Variants in KIF26A observed in about 807,000 individuals in gnomAD.
KIF26A encodes kinesin family member 26A, also known as kinesin-like protein KIF26A.
Under a neutral mutation model 126.0 loss-of-function variants are expected in KIF26A, and 74 were observed. The ratio of observed to expected loss-of-function variants is 0.59; its 90% confidence interval spans 0.49 to 0.71. KIF26A has a LOEUF of 0.71. Ranked by LOEUF, KIF26A falls within the 30% of genes least tolerant of loss-of-function variation. The pLI, the probability that KIF26A is intolerant of heterozygous loss-of-function variation, is 0.00. For synonymous variants in KIF26A, 1,445 were observed against 1,232.7 expected (o/e 1.17, Z -3.61); for missense variants, 2,984 against 2,763.3 (o/e 1.08, Z -1.79).
Position 104,173,875 on chromosome 14 carries a change from G to GT in KIF26A, c.2030+8dup. 1 of 1,577,342 alleles carries GT rather than the reference G, an allele frequency of 6.3e-7. No homozygotes were observed. The highest frequency in any genetic ancestry group is 8.6e-7 in the Non-Finnish European group (1 of 1,165,660). On this transcript the variant is annotated splice_region_variant and intron_variant, in intron 10 of 14. Coordinates refer to ENST00000423312, the MANE Select transcript of KIF26A (RefSeq NM_015656.2). ...CCAAGCATGTGCCGTATCGGTGAGT[G>GT]TAGGGCCTGGGCAGGTGCCGACCAG...
In KIF26A at chr14:104,166,912, C is replaced by T. The variant is rs761400789; in HGVS notation, c.977C>T (p.Pro326Leu). The T allele has an allele frequency of 9.4e-6, 15 of 1,592,712 alleles. No individual in the cohort carries two copies. Among genetic ancestry groups the T allele is most frequent in the East Asian group, 6.9e-5 (3 of 43,702 alleles). The change falls in exon 5 of 15, where the codon CCG (proline) becomes CTG (leucine). Residue 326 changes from proline (P) to leucine (L), a missense_variant. Transcript: ENST00000423312. Reference protein sequence around the residue: ...ASKRKKPHPPPPPATRGTSTY... With the variant: ...ASKRKKPHPPLPPATRGTSTY... ...AAGAGGAAGAAGCCCCACCCGCCAC[C>T]GCCTCCAGCCACCCGCGGCACCTCC...
chr14:104,178,507 G>A, intron 12 of KIF26A, 43 bp from the exon 13 acceptor site: 1 of 1,385,864 alleles, frequency 7.2e-7, no homozygotes, highest in African/African-American at 1.5e-5. Context: ...TGCTTGGGCT[G>A]GGCCCCGCCT....
At chr14:104,169,869 C>G (rs2037940877) in intron 5 of KIF26A, among the ~76,000 whole-genome samples, 1 of 152,194 alleles carries the variant, frequency 6.6e-6, no homozygotes, top group Non-Finnish European at 1.5e-5. Flanking sequence ...GAGAGGCTTG[C>G]TGTGCCTTTT....
intron 2 of KIF26A, among the ~76,000 whole-genome samples, chr14:104,143,497 G>A (rs1025313111): frequency 4.6e-5 from 7 of 152,160 alleles, no homozygotes; most frequent in Non-Finnish European, 1.0e-4. Context: ...CCAGCTTTTC[G>A]TTCCTCCTCT....
chr14:104,140,459 C>A (rs8014002), intron 2 of KIF26A, among the ~76,000 whole-genome samples: 15,855 of 152,238 alleles, frequency 0.1, 1,013 homozygotes, highest in Middle Eastern at 0.17. Context: ...AGCTAAAGGC[C>A]CATCTTGCTG....
chr14:104,138,588 C>G lies in KIF26A; in HGVS notation c.-135C>G, dbSNP rs1482384756. 4.7e-6 allele frequency: 3 copies of G among 637,266 alleles called. No individual in the cohort carries two copies. Among genetic ancestry groups the G allele is most frequent in the Non-Finnish European group, 6.4e-6 (3 of 467,516 alleles). 39.5% of individuals were successfully genotyped at this position (637,266 alleles called of 1,614,324 possible). On this transcript the variant is annotated 5_prime_UTR_variant, in exon 1 of 15. Transcript: ENST00000423312. ...CGGAGCCACCGCGCTCCTCGCGACA[C>G]TCGCAGGCTCTGCGAACTTCCGAGC... is the stretch of plus-strand genomic sequence containing the variant.
chr14:104,162,751 T>A (rs1830212936), intron 4 of KIF26A, among the ~76,000 whole-genome samples: 1 of 144,074 alleles, frequency 6.9e-6, no homozygotes, highest in African/African-American at 2.6e-5. Context: ...GCCAACACCC[T>A]CCAGTGAGGG....
chr14:104,177,764 G>A lies in KIF26A; in HGVS notation c.4976G>A (p.Gly1659Asp). Residue 1659 changes from glycine to aspartate, a missense_variant, in exon 12 of 15, where the codon GGC becomes GAC. Transcript: ENST00000423312. The stretch of plus-strand genomic sequence containing the variant: ...TTCCACCACAGCGGTGGCAGCAGTG[G>A]CTATGAGAGCCTGCGGCGCGACAGC... ...ALFHHSGGSS[G>D]YESLRRDSEA... 6.5e-7 allele frequency: 1 copy of A among 1,547,316 alleles called. No individual in the cohort carries two copies. The highest frequency in any genetic ancestry group is 8.7e-7 in the Non-Finnish European group (1 of 1,153,700).
rs538308421 is a variant in KIF26A at position 104,151,158 on chromosome 14, C to G, written c.289-857C>G. 6.6e-6 allele frequency among the ~76,000 whole-genome samples: 1 copy of G among 152,332 alleles called. No homozygotes were observed. The highest frequency in any genetic ancestry group is 1.5e-5 in the Non-Finnish European group (1 of 68,020). ...GTGGCTTGTCTCCTTCTTGCTCCTC[C>G]TCCTCTTCCTGGAAGATGTCACTGC... On this transcript the variant is annotated intron_variant, in intron 2 of 14. Coordinates refer to ENST00000423312, the MANE Select transcript of KIF26A (RefSeq NM_015656.2). This position sits in a 1 kb window ranked among gnomAD's most constrained non-coding sequence, Gnocchi z 4.9.
chr14:104,176,496 A>T lies in KIF26A; in HGVS notation c.3708A>T (p.Gly1236=). Residue 1236 remains glycine (G), a synonymous_variant, in exon 12 of 15, where the codon GGA becomes GGT. Coordinates refer to ENST00000423312, the MANE Select transcript of KIF26A (RefSeq NM_015656.2). ...ARLGQSPPGR[G]GLFEDPWLLR... ...TGGGCCAGAGCCCACCTGGCCGTGG[A>T]GGCCTGTTTGAGGACCCATGGCTGC... 3 of 1,605,800 alleles carry T rather than the reference A, an allele frequency of 1.9e-6. No homozygotes were observed. Among genetic ancestry groups the T allele is most frequent in the Non-Finnish European group, 2.5e-6 (3 of 1,179,610 alleles).
Position 104,172,912 on chromosome 14 carries a change from C to T in KIF26A, c.1421-65C>T, listed in dbSNP as rs558868453. 2.3e-4 allele frequency: 345 copies of T among 1,476,324 alleles called. 1 individual carries two copies. In the African/African-American group the frequency reaches 4.1e-3, roughly 17 times the overall value. The allele number at this position is 1,476,324 out of a possible 1,614,324, so 91.5% of individuals were successfully genotyped here. ...GGTGCCCCTGGTTGGCCCCCGGGGA[C>T]GCCAGTAGCCATAAAGGCTCCTTGC... On this transcript the variant is annotated intron_variant, in intron 7 of 14. Coordinates refer to ENST00000423312, the MANE Select transcript of KIF26A (RefSeq NM_015656.2).
intron 4 of KIF26A, among the ~76,000 whole-genome samples, chr14:104,165,713 ATG>A (rs749588285): frequency 2.8e-5 from 4 of 141,448 alleles, no homozygotes; most frequent in East Asian, 4.2e-4. Context: ...CTCTGTGCAT[ATG>A]TGTGTCTGTG....
intron 3 of KIF26A, among the ~76,000 whole-genome samples, chr14:104,153,310 G>C (rs930871161): frequency 6.6e-6 from 1 of 152,100 alleles, no homozygotes; most frequent in Non-Finnish European, 1.5e-5. Flanking sequence ...GTCGAGGTAC[G>C]CCGAGGCTCA....
rs1223408309 is a variant in KIF26A at position 104,173,007 on chromosome 14, G to A, written c.1451G>A (p.Ser484Asn). ...TCGTACACCATGATCGGGAAGGACA[G>A]CTCACCCCAGAGCCTGGGCATCGTG... is the stretch of plus-strand genomic sequence containing the variant. Reference protein sequence around the residue: ...GKSYTMIGKDSSPQSLGIVPC... With the variant: ...GKSYTMIGKDNSPQSLGIVPC... The change falls in exon 8 of 15, where the codon AGC becomes AAC. Residue 484 changes from serine to asparagine, a missense_variant. By Grantham distance (46) the Ser-to-Asn change is conservative (BLOSUM62 1). Coordinates refer to ENST00000423312, the MANE Select transcript of KIF26A (RefSeq NM_015656.2). The A allele has an allele frequency of 1.2e-6, 2 of 1,603,314 alleles. No individual in the cohort carries two copies. Among genetic ancestry groups the A allele is most frequent in the Middle Eastern group, 2.1e-4 (1 of 4,844 alleles).
intron 5 of KIF26A, among the ~76,000 whole-genome samples, chr14:104,167,453 C>A (rs188052507): frequency 6.6e-6 from 1 of 152,062 alleles, no homozygotes; most frequent in Non-Finnish European, 1.5e-5. Context: ...CGTGTGCAGG[C>A]GGGCCCCTGC....
intron 5 of KIF26A, among the ~76,000 whole-genome samples, chr14:104,171,212 A>G (rs1387944807): frequency 6.6e-6 from 1 of 152,234 alleles, no homozygotes. Flanking sequence ...TCAGCTGGCC[A>G]GGGTCGGAGG....
Position 104,177,398 on chromosome 14 carries a change from C to A in KIF26A, c.4610C>A (p.Ala1537Asp). The change falls in exon 12 of 15, where the codon GCC becomes GAC. Residue 1537 changes from alanine (A) to aspartate (D), a missense_variant. Physicochemically the swap from Ala to Asp is moderately radical, Grantham distance 126 (BLOSUM62 -2). Coordinates refer to ENST00000423312, the MANE Select transcript of KIF26A (RefSeq NM_015656.2). ...PGGPVAGPRAAPRAGPSVGAK... is the reference protein window; with the variant it reads ...PGGPVAGPRADPRAGPSVGAK... Reference sequence around the variant, plus strand: ...GGCCCTGTGGCCGGTCCCAGAGCAGCCCCACGGGCCGGGCCCAGTGTCGGG... The same window carrying A: ...GGCCCTGTGGCCGGTCCCAGAGCAGACCCACGGGCCGGGCCCAGTGTCGGG... 1 of 1,492,212 alleles carries A rather than the reference C, an allele frequency of 6.7e-7. No individual in the cohort carries two copies. The highest frequency in any genetic ancestry group is 8.9e-7 in the Non-Finnish European group (1 of 1,125,150). The allele number at this position is 1,492,212 out of a possible 1,614,324, so 92.4% of individuals were successfully genotyped here.
Position 104,171,947 on chromosome 14 carries a change from C to G in KIF26A, c.1326+12C>G, listed in dbSNP as rs1260651443. On this transcript the variant is annotated intron_variant, in intron 6 of 14. Coordinates refer to ENST00000423312, the MANE Select transcript of KIF26A (RefSeq NM_015656.2). ...AGGACTCCGAGCAGGTACGGGCAGG[C>G]GGACTGGGCGTCCTCCCGGAGACCC... 12 of 1,547,572 alleles carry G rather than the reference C, an allele frequency of 7.8e-6. No homozygotes were observed. The highest frequency in any genetic ancestry group is 1.0e-5 in the Non-Finnish European group (12 of 1,145,914).
chr14:104,176,966 C>T lies in KIF26A; in HGVS notation c.4178C>T (p.Ala1393Val), dbSNP rs765256682. The T allele has an allele frequency of 3.8e-5, 58 of 1,535,610 alleles. No homozygotes were observed. Among genetic ancestry groups the T allele is most frequent in the Non-Finnish European group, 3.6e-5 (41 of 1,146,166 alleles). ...GTGAACCCGGCGCGGGTCGGGGCTG[C>T]TGCTGTCCTTCGAGGGGAGGAGGAG... ...HAVNPARVGA[A>V]AVLRGEEEPR... Residue 1393 changes from alanine to valine, a missense_variant, in exon 12 of 15, where the codon GCT becomes GTT. Ala to Val is a moderately conservative substitution (Grantham distance 64). Transcript: ENST00000423312.
Sources: allele counts gnomAD v4.1 joint callset (sites outside exome capture counted in the v4.1 genomes callset), GRCh38; gene constraint gnomAD v4.1.1; non-coding constraint Gnocchi (gnomAD v3.1); transcripts MANE v1.5; gene names NCBI Gene and HGNC (gene_info 2026-07-23, HGNC 2026-07-21).